TUBD1: variants seen among roughly 807,000 people sequenced by gnomAD.
TUBD1 encodes tubulin delta chain.
TUBD1 carries 38 observed loss-of-function variants against 51.2 expected under a neutral mutation model. That is an observed-to-expected ratio of 0.74 (90% confidence interval 0.57 to 0.97). The LOEUF is 0.97. Ranked by LOEUF, TUBD1 falls within the 50% of genes least tolerant of loss-of-function variation. TUBD1 has a pLI of 0.00. For synonymous variants in TUBD1, 169 were observed against 178.2 expected, an observed-to-expected ratio of 0.95 and a Z score of 0.41; for missense variants, 489 against 538.4, an observed-to-expected ratio of 0.91 and a Z score of 0.91.
At chr17:59,860,880 C>T (rs567378430) in intron 8 of TUBD1, among the ~76,000 whole-genome samples, 2 of 152,006 alleles carry the variant, frequency 1.3e-5, no homozygotes, top group East Asian at 1.9e-4. Context: ...AGCCACCACG[C>T]CCAGCCTGAA....
intron 1 of TUBD1, chr17:59,891,982 A>T (rs2041095074): frequency 6.6e-6 from 1 of 152,042 alleles, no homozygotes; most frequent in Admixed American, 6.6e-5. Context: ...AAAAAAAAAA[A>T]TTAAAATTAA....
intron 1 of TUBD1, among the ~76,000 whole-genome samples, chr17:59,891,451 A>G (rs1339708796): frequency 1.3e-5 from 2 of 152,130 alleles, no homozygotes; most frequent in Non-Finnish European, 2.9e-5. Context: ...GTCATTTTAA[A>G]ATGCCACATA....
chr17:59,878,489 CTTT>C (rs71370137), intron 4 of TUBD1, 155 bp from the exon 5 acceptor site: 4,513 of 455,730 alleles, frequency 9.9e-3, no homozygotes, highest in Middle Eastern at 0.013. Flanking sequence ...GCTCAGTTTC[CTTT>C]TTTTTTTTTT....
chr17:59,881,043 A>C lies in TUBD1; in HGVS notation c.388T>G (p.Cys130Gly). The change falls in exon 4 of 9, where the codon TGT becomes GGT. Residue 130 changes from cysteine (C) to glycine (G), a missense_variant. By Grantham distance (159) the Cys-to-Gly change is radical. Transcript: ENST00000325752. ...ATGAAAAAACCACTGAAAGAGTCAC[A>C]TTTCTCCACTTCCTTCCGGATTATG... ...MNIIRKEVEKCDSFSGFFIIM... is the reference protein window; with the variant it reads ...MNIIRKEVEKGDSFSGFFIIM... The C allele has an allele frequency of 6.2e-7, 1 of 1,614,092 alleles. No homozygotes were observed. The highest frequency in any genetic ancestry group is 8.5e-7 in the Non-Finnish European group (1 of 1,180,028).
chr17:59,867,249 C>T (rs1339411878), intron 6 of TUBD1, among the ~76,000 whole-genome samples: 1 of 152,004 alleles, frequency 6.6e-6, no homozygotes, highest in Non-Finnish European at 1.5e-5. Flanking sequence ...TACCTCACTG[C>T]AGCCTCAAAC....
chr17:59,881,712 T>C (rs1319708521), intron 3 of TUBD1, among the ~76,000 whole-genome samples: 2 of 152,130 alleles, frequency 1.3e-5, no homozygotes, highest in African/African-American at 4.8e-5. Flanking sequence ...GTTTCACTCT[T>C]GTCACCAGGG....
At chr17:59,887,166 A>G (rs936546189) in intron 2 of TUBD1, among the ~76,000 whole-genome samples, 2 of 152,090 alleles carry the variant, frequency 1.3e-5, no homozygotes, top group African/African-American at 4.8e-5. Flanking sequence ...AGCCTGAGCA[A>G]TAAAAGCAAA....
At chr17:59,891,386 C>T (rs556157218) in intron 1 of TUBD1, among the ~76,000 whole-genome samples, 138 of 152,286 alleles carry the variant, frequency 9.1e-4, no homozygotes, top group Non-Finnish European at 1.6e-3. Context: ...CCACCTACCT[C>T]AGCCTCCCAA....
intron 1 of TUBD1, 72 bp from the exon 2 acceptor site, chr17:59,891,113 T>A: frequency 1.2e-6 from 1 of 800,246 alleles, no homozygotes; most frequent in Non-Finnish European, 2.0e-6. Flanking sequence ...CCATGTATGT[T>A]AATTATACAT....
Position 59,892,897 on chromosome 17 carries a change from T to G in TUBD1, c.-240A>C, listed in dbSNP as rs534551240. ...TCAATTTCAATTTACGAACTTCAGATATGGTACGCATGCTCACTGTCCACC... is the reference window on the plus strand; with the variant it reads ...TCAATTTCAATTTACGAACTTCAGAGATGGTACGCATGCTCACTGTCCACC... On this transcript the variant is annotated 5_prime_UTR_variant, in exon 1 of 9. Coordinates refer to ENST00000325752, the MANE Select transcript of TUBD1 (RefSeq NM_016261.4). The G allele has an allele frequency of 7.2e-6, 3 of 418,466 alleles. No homozygotes were observed. The highest frequency in any genetic ancestry group is 1.3e-5 in the Non-Finnish European group (3 of 228,378). The allele number at this position is 418,466 out of a possible 1,614,324, so 25.9% of individuals were successfully genotyped here. A position where few individuals can be genotyped will look rare whatever the true frequency, so the allele number is the denominator to read the frequency against.
chr17:59,871,994 C>A (rs1451200209), intron 6 of TUBD1, among the ~76,000 whole-genome samples: 1 of 151,820 alleles, frequency 6.6e-6, no homozygotes, highest in East Asian at 1.9e-4. Flanking sequence ...CGCTCTGTTG[C>A]CCAGGCTGGA....
In TUBD1 at chr17:59,892,938, CAA is replaced by C; in HGVS notation, c.-283_-282del. The C allele has an allele frequency of 3.8e-6, 2 of 532,914 alleles. No individual in the cohort carries two copies. Among genetic ancestry groups the C allele is most frequent in the South Asian group, 5.2e-5 (2 of 38,662 alleles). 33.0% of individuals were successfully genotyped at this position (532,914 alleles called of 1,614,324 possible). On this transcript the variant is annotated 5_prime_UTR_variant, in exon 1 of 9. Coordinates refer to ENST00000325752, the MANE Select transcript of TUBD1 (RefSeq NM_016261.4). ...ACTGTCCACCGAACGCTCCAGCTGA[CAA>C]TGCGCATGCTCTAGTCCTCCAAGCG...
rs1438919830 is a variant in TUBD1 at position 59,878,343 on chromosome 17, G to C, written c.538-9C>G. ...TAGTTTTGAACAATAACCTGGAGAG[G>C]AAAAGGTCAGAAAAAAGAAAGGTAG... On this transcript the variant is annotated splice_polypyrimidine_tract_variant and intron_variant, in intron 4 of 8. Transcript: ENST00000325752. The C allele has an allele frequency of 6.3e-7, 1 of 1,582,334 alleles. No homozygotes were observed. Among genetic ancestry groups the C allele is most frequent in the African/African-American group, 1.3e-5 (1 of 74,146 alleles).
rs1015463373 is a variant in TUBD1 at position 59,859,909 on chromosome 17, G to A, written c.*413C>T. The stretch of plus-strand genomic sequence containing the variant: ...GTGAATGTTTTCATTGAAAACATGC[G>A]ATTCTCCATTTTAAAAAGTTTTCTT... On this transcript the variant is annotated 3_prime_UTR_variant, in exon 9 of 9. Transcript: ENST00000325752. The A allele has an allele frequency of 6.6e-6, 1 of 151,922 alleles. No individual in the cohort carries two copies. The highest frequency in any genetic ancestry group is 1.5e-5 in the Non-Finnish European group (1 of 68,204). The allele number at this position is 151,922 out of a possible 1,614,324, so 9.4% of individuals were successfully genotyped here.
rs761002853 is a variant in TUBD1, at chr17:59,878,299, A to G, written c.573T>C (p.Leu191=). The part of the protein sequence containing the change: ...IVQNYNSILT[L]SHLYRSSDAL... ...CGTCTGAAGATCGGTACAAGTGAGA[A>G]AGTGTCAAAATGGAGTTGTAGTTTT... Residue 191 remains leucine (L), a synonymous_variant, in exon 5 of 9, where the codon CTT becomes CTC. Transcript: ENST00000325752. 5 of 1,613,962 alleles carry G rather than the reference A, an allele frequency of 3.1e-6. No individual in the cohort carries two copies. The highest frequency in any genetic ancestry group is 4.2e-6 in the Non-Finnish European group (5 of 1,180,006).
Position 59,880,892 on chromosome 17 carries a change from ACCTCACCAGTT to A in TUBD1, c.528_537+1del. On this transcript the variant is annotated splice_donor_variant and coding_sequence_variant, in exon 4 of 9. Coordinates refer to ENST00000325752, the MANE Select transcript of TUBD1 (RefSeq NM_016261.4). LOFTEE classifies it high-confidence loss of function. Reference sequence around the variant, plus strand: ...TAAACTTTTCAATTAACATGTCCATACCTCACCAGTTCCATAAGGCCAAATAATCTGATTCA... The same window carrying A: ...TAAACTTTTCAATTAACATGTCCATACCATAAGGCCAAATAATCTGATTCA... The A allele has an allele frequency of 6.2e-7, 1 of 1,611,004 alleles. No homozygotes were observed. Among genetic ancestry groups the A allele is most frequent in the Non-Finnish European group, 8.5e-7 (1 of 1,177,184 alleles).
At chr17:59,870,056 G>C (rs2039906180) in intron 6 of TUBD1, among the ~76,000 whole-genome samples, 1 of 152,024 alleles carries the variant, frequency 6.6e-6, no homozygotes, top group Non-Finnish European at 1.5e-5. Flanking sequence ...AAGTAGACCA[G>C]ACACTTTTCA....
chr17:59,891,952 G>A (rs1326127350), intron 1 of TUBD1: 1 of 149,724 alleles, frequency 6.7e-6, no homozygotes, highest in African/African-American at 2.5e-5. Flanking sequence ...GTGACAAAGT[G>A]ACATCCTCCT....
chr17:59,861,973 G>A (rs1435455196), intron 8 of TUBD1, among the ~76,000 whole-genome samples: 4 of 151,256 alleles, frequency 2.6e-5, no homozygotes, highest in Non-Finnish European at 5.9e-5. Flanking sequence ...GCCTGAGTGG[G>A]GTTTTATGGA....
Sources: gnomAD v4.1 joint callset for allele counts (sites outside exome capture counted in the v4.1 genomes callset) on GRCh38, gnomAD v4.1.1 for gene constraint, MANE v1.5 for transcripts, NCBI Gene and HGNC (gene_info 2026-07-23, HGNC 2026-07-21) for gene names.